The following TDP2 variants were observed in gnomAD, a reference collection of about 807,000 sequenced individuals.
The protein encoded by TDP2 is tyrosyl-DNA phosphodiesterase 2.
TDP2 carries 38 observed loss-of-function variants against 42.8 expected under a neutral mutation model. The ratio of observed to expected loss-of-function variants is 0.89; its 90% CI spans 0.68 to 1.16. The LOEUF (loss-of-function observed/expected upper bound fraction) is 1.16, where lower values mean the gene tolerates loss of function less well. Ranked by LOEUF, TDP2 falls within the 50% of genes most tolerant of loss-of-function variation. The pLI is 0.00. For synonymous variants in TDP2, 173 were observed against 150.6 expected (o/e 1.15, Z -1.09); for missense variants, 439 against 439.3 (o/e 1.00, Z 0.01).
In TDP2 at chr6:24,666,772, C is replaced by G; in HGVS notation, c.91G>C (p.Glu31Gln). 6.2e-7 allele frequency: 1 copy of G among 1,614,244 alleles called. No individual in the cohort carries two copies. The highest frequency in any genetic ancestry group is 1.3e-5 in the African/African-American group (1 of 75,076). Residue 31 changes from glutamate (E) to glutamine (Q), a missense_variant, in exon 1 of 7, where the codon GAG (glutamate) becomes CAG (glutamine). Coordinates refer to ENST00000378198, the MANE Select transcript of TDP2 (RefSeq NM_016614.3). ...TCGCAGCTTGCGACCGAGGCAAACTCCACACACAGAAGTCGCCGCTTTTTC... is the reference window on the plus strand; with the variant it reads ...TCGCAGCTTGCGACCGAGGCAAACTGCACACACAGAAGTCGCCGCTTTTTC... ...EVKKRRLLCVEFASVASCDAA... is the reference protein window; with the variant it reads ...EVKKRRLLCVQFASVASCDAA...
At chr6:24,658,326 C>G (rs192087627) in intron 3 of TDP2, among the ~76,000 whole-genome samples, 3 of 152,294 alleles carry the variant, frequency 2.0e-5, no homozygotes, top group Middle Eastern at 3.4e-3. Context: ...CACGTAGTTA[C>G]GATAAACAAA....
At position 24,654,447 on chromosome 6, in the gene TDP2, T is replaced by C. The variant is rs1778027376; in HGVS notation, c.601A>G (p.Ser201Gly). ...LKSQEIIPFP[S>G]TKMMRNLLCV... ...AAAAGGTTTCTCATCATTTTGGTACTTGGAAAAGGAATAATCTCTTGGCTT... is the reference window on the plus strand; with the variant it reads ...AAAAGGTTTCTCATCATTTTGGTACCTGGAAAAGGAATAATCTCTTGGCTT... Residue 201 changes from serine to glycine, a missense_variant, in exon 5 of 7, where the codon AGT becomes GGT. Transcript: ENST00000378198. 5.7e-6 allele frequency: 9 copies of C among 1,578,792 alleles called. No homozygotes were observed. The East Asian group carries it at 2.0e-4, about 36-fold the overall frequency.
chr6:24,657,726 T>C, intron 4 of TDP2, 86 bp downstream of exon 4: 1 of 652,634 alleles, frequency 1.5e-6, no homozygotes, highest in Admixed American at 3.3e-5. Flanking sequence ...TTTTCCTCTC[T>C]ATGTCCCAAT....
Position 24,650,637 on chromosome 6 carries a change from T to G in TDP2, c.*151A>C. ...CGTTTAAATAAACATTAATCTTTAA[T>G]GTTGAATTCTGAAAACACAACCATA... On this transcript the variant is annotated 3_prime_UTR_variant, in exon 7 of 7. Coordinates refer to ENST00000378198, the MANE Select transcript of TDP2 (RefSeq NM_016614.3). 1 of 727,708 alleles carries G rather than the reference T, an allele frequency of 1.4e-6. No homozygotes were observed. Among genetic ancestry groups the G allele is most frequent in the Admixed American group, 3.0e-5 (1 of 33,582 alleles). The allele number at this position is 727,708 out of a possible 1,614,324, so 45.1% of individuals were successfully genotyped here.
At chr6:24,662,494 T>C (rs1040559211) in intron 2 of TDP2, among the ~76,000 whole-genome samples, 3 of 152,148 alleles carry the variant, frequency 2.0e-5, no homozygotes, top group African/African-American at 7.2e-5. Flanking sequence ...TATCCAGACA[T>C]AGCACCTTTC....
At chr6:24,653,732 G>C (rs1351044894) in intron 5 of TDP2, among the ~76,000 whole-genome samples, 1 of 152,074 alleles carries the variant, frequency 6.6e-6, no homozygotes, top group Non-Finnish European at 1.5e-5. Flanking sequence ...ATAATCAGGA[G>C]CCTACCTACT....
intron 5 of TDP2, 112 bp from the exon 6 acceptor site, chr6:24,653,265 C>T (rs1323687657): frequency 2.8e-5 from 32 of 1,127,340 alleles, no homozygotes; most frequent in Non-Finnish European, 3.6e-5. Flanking sequence ...TAAACTGAAA[C>T]TGTAAAATCA....
chr6:24,651,748 G>A lies in TDP2; in HGVS notation c.808-679C>T, dbSNP rs910351566. ...ATCACAGGCATGTGCCACAATGCCC[G>A]GCTAATTTCTGTATTTTTAGTAGAG... On this transcript the variant is annotated intron_variant, in intron 6 of 6. Coordinates refer to ENST00000378198, the MANE Select transcript of TDP2 (RefSeq NM_016614.3). 1.7e-4 allele frequency among the ~76,000 whole-genome samples: 26 copies of A among 152,064 alleles called. 1 individual carries two copies. The highest frequency in any genetic ancestry group is 1.5e-3 in the East Asian group (8 of 5,194).
intron 4 of TDP2, among the ~76,000 whole-genome samples, chr6:24,655,853 A>G (rs1778053613): frequency 6.6e-6 from 1 of 152,160 alleles, no homozygotes; most frequent in African/African-American, 2.4e-5. Context: ...ATACCAACAC[A>G]CTGACAATTG....
intron 2 of TDP2, among the ~76,000 whole-genome samples, chr6:24,663,133 T>C (rs373072555): frequency 6.6e-6 from 1 of 152,196 alleles, no homozygotes; most frequent in South Asian, 2.1e-4. Context: ...CATGATGGTG[T>C]CATTAATCAT....
rs1440676786 is a variant in TDP2 at position 24,650,734 on chromosome 6, A to C, written c.*54T>G. The C allele has an allele frequency of 8.3e-6, 13 of 1,557,720 alleles. No individual in the cohort carries two copies. The highest frequency in any genetic ancestry group is 7.1e-5 in the Admixed American group (4 of 56,186). On this transcript the variant is annotated 3_prime_UTR_variant, in exon 7 of 7. Coordinates refer to ENST00000378198, the MANE Select transcript of TDP2 (RefSeq NM_016614.3). ...TCCACAGCAAACCTACCTTTCCAGA[A>C]GGTGGAAATTGTATTTGCAACAATC... is the stretch of plus-strand genomic sequence containing the variant.
At chr6:24,651,266 G>A (rs1777970554) in intron 6 of TDP2, among the ~76,000 whole-genome samples, 197 bp from the exon 7 acceptor site, 1 of 152,190 alleles carries the variant, frequency 6.6e-6, no homozygotes, top group South Asian at 2.1e-4. Flanking sequence ...AGCCAGAGGG[G>A]TTTGGAATTT....
chr6:24,650,919 A>C lies in TDP2; in HGVS notation c.958T>G (p.Phe320Val). The C allele has an allele frequency of 6.2e-7, 1 of 1,614,164 alleles. No individual in the cohort carries two copies. The highest frequency in any genetic ancestry group is 1.3e-5 in the African/African-American group (1 of 75,036). Residue 320 changes from phenylalanine (F) to valine (V), a missense_variant, in exon 7 of 7, where the codon TTC (phenylalanine) becomes GTC (valine). Phe to Val is a conservative substitution (Grantham distance 50). Transcript: ENST00000378198. ...TGTCCCTCTTCTGCTGCTGCTCTGA[A>C]AAATATTCGATCAAAACGAAGTTTA... is the stretch of plus-strand genomic sequence containing the variant. Reference protein sequence around the residue: ...ACKLRFDRIFFRAAAEEGHII... With the variant: ...ACKLRFDRIFVRAAAEEGHII...
In TDP2 at chr6:24,666,865, TC is replaced by T; in HGVS notation, c.-4del. 1 of 1,613,192 alleles carries T rather than the reference TC, an allele frequency of 6.2e-7. No individual in the cohort carries two copies. Among genetic ancestry groups the T allele is most frequent in the Non-Finnish European group, 8.5e-7 (1 of 1,180,002 alleles). On this transcript the variant is annotated 5_prime_UTR_variant, in exon 1 of 7. Coordinates refer to ENST00000378198, the MANE Select transcript of TDP2 (RefSeq NM_016614.3). ...TCCAGGCAACTCCCCAACTCCATCT[TC>T]CTGCCGCCTCTGCACCGCCCCTTTA...
chr6:24,662,500 C>T (rs902044891), intron 2 of TDP2, among the ~76,000 whole-genome samples: 8 of 152,060 alleles, frequency 5.3e-5, no homozygotes, highest in Non-Finnish European at 1.2e-4. Context: ...GACATAGCAC[C>T]TTTCCTTAAA....
intron 4 of TDP2, among the ~76,000 whole-genome samples, chr6:24,655,434 TTAG>T (rs1487534783): frequency 1.3e-5 from 2 of 152,098 alleles, no homozygotes; most frequent in Non-Finnish European, 2.9e-5. Context: ...CTGGAAACAC[TTAG>T]TGCTTGAACA....
chr6:24,664,304 T>C (rs1203208785), intron 2 of TDP2, among the ~76,000 whole-genome samples: 5 of 145,800 alleles, frequency 3.4e-5, no homozygotes, highest in African/African-American at 5.2e-5. Flanking sequence ...ATGCTGGCTC[T>C]GCATTAGAAT....
chr6:24,654,010 G>A (rs1778018759), intron 5 of TDP2, among the ~76,000 whole-genome samples: 1 of 152,084 alleles, frequency 6.6e-6, no homozygotes, highest in Admixed American at 6.6e-5. Flanking sequence ...TACCTCTCCT[G>A]TGGCACTTAT....
At chr6:24,654,089 G>C (rs1778020286) in intron 5 of TDP2, among the ~76,000 whole-genome samples, 1 of 152,086 alleles carries the variant, frequency 6.6e-6, no homozygotes, top group South Asian at 2.1e-4. Context: ...ATCAGAGCAA[G>C]ATCTATTTTT....
Sources: gnomAD v4.1 joint callset for allele counts (sites outside exome capture counted in the v4.1 genomes callset) on GRCh38, gnomAD v4.1.1 for gene constraint, MANE v1.5 for transcripts, NCBI Gene and HGNC (gene_info 2026-07-23, HGNC 2026-07-21) for gene names.